The following NEB variants were observed in gnomAD, a reference collection of about 807,000 sequenced individuals.
NEB encodes the protein nebulin.
NEB carries 512 observed loss-of-function variants against 952.2 expected under a neutral mutation model. The observed-to-expected ratio is 0.54, with a 90% CI of 0.50 to 0.58. The LOEUF (loss-of-function observed/expected upper bound fraction) is 0.58, where lower values mean the gene tolerates loss of function less well. NEB is among the 20% of genes least tolerant of loss of function. The pLI is 0.00. For synonymous variants in NEB, 2,900 were observed against 3,149.8 expected, an observed-to-expected ratio of 0.92 and a Z score of 2.66; for missense variants, 8,428 against 9,231.1, an observed-to-expected ratio of 0.91 and a Z score of 3.56.
chr2:151,618,438 C>A lies in NEB; in HGVS notation c.10913G>T (p.Gly3638Val), dbSNP rs370161504. 1.1e-5 allele frequency: 18 copies of A among 1,613,798 alleles called. No individual in the cohort carries two copies. Among genetic ancestry groups the A allele is most frequent in the Admixed American group, 3.3e-5 (2 of 59,992 alleles). The change falls in exon 74 of 182, where the codon GGC (glycine) becomes GTC (valine). Residue 3638 changes from glycine (G) to valine (V), a missense_variant. This residue lies in a region of NEB where 1,772 missense variants were observed against 1,960.3 expected (regional missense o/e 0.90). Transcript: ENST00000397345. ...TTCCAAGGAATCAATCGGAACCCAG[C>A]CAATGCCTTTCATCCATTCAAGGTC... ...KSDLEWMKGI[G>V]WVPIDSLEVV...
Position 151,640,062 on chromosome 2 carries a change from T to C in NEB, c.8686-2A>G. 6.2e-7 allele frequency: 1 copy of C among 1,610,670 alleles called. No homozygotes were observed. The highest frequency in any genetic ancestry group is 8.5e-7 in the Non-Finnish European group (1 of 1,176,936). On this transcript the variant is annotated splice_acceptor_variant, in intron 61 of 181. Coordinates refer to ENST00000397345, the MANE Select transcript of NEB (RefSeq NM_001164508.2). LOFTEE classifies it high-confidence loss of function. The stretch of plus-strand genomic sequence containing the variant: ...CTGGAGATCAGACTTGTACATATTC[T>C]GTTGACACAAATAGCCAATAAATAT...
intron 37 of NEB, chr2:151,671,487 C>A: frequency 3.6e-5 from 14 of 388,514 alleles, no homozygotes; most frequent in East Asian, 8.9e-5. Flanking sequence ...TCACTTTTGA[C>A]AATAAATTGG....
chr2:151,498,332 C>G lies in NEB; in HGVS notation c.24135G>C (p.Leu8045=), dbSNP rs2061752322. The change falls in exon 170 of 182, where the codon CTG becomes CTC. Residue 8045 remains leucine (L), a synonymous_variant. Transcript: ENST00000397345. ...NFSSVLYKEN[L]GTGIPIPITP... ...TGATGGGGATTGGAATTCCTGTCCC[C>G]AGGTTTTCTTTGTATAGCACCTGTA... The G allele has an allele frequency of 6.4e-7, 1 of 1,550,872 alleles. No homozygotes were observed. Among genetic ancestry groups the G allele is most frequent in the African/African-American group, 1.4e-5 (1 of 72,934 alleles).
chr2:151,618,981 G>C (rs1353436253), intron 73 of NEB, among the ~76,000 whole-genome samples: 1 of 152,168 alleles, frequency 6.6e-6, no homozygotes, highest in Non-Finnish European at 1.5e-5. Flanking sequence ...CATGCTGAAT[G>C]TTGATAAGTA....
At chr2:151,608,905 CAAAAAAAAAA>C (rs1163520121) in intron 81 of NEB, among the ~76,000 whole-genome samples, 8 of 34,434 alleles carry the variant, frequency 2.3e-4, no homozygotes, top group African/African-American at 5.0e-4. Flanking sequence ...CTCCGTCTCA[CAAAAAAAAAA>C]AAAAAAAAAA....
intron 28 of NEB, among the ~76,000 whole-genome samples, chr2:151,683,172 C>T (rs147676904): frequency 1.7e-4 from 26 of 152,256 alleles, no homozygotes; most frequent in African/African-American, 5.1e-4. Flanking sequence ...GGGTTATTTG[C>T]TCATTTTCTA....
At chr2:151,566,987 G>C (rs948452584) in intron 114 of NEB, among the ~76,000 whole-genome samples, 181 bp downstream of exon 114, 2 of 152,094 alleles carry the variant, frequency 1.3e-5, no homozygotes, top group Non-Finnish European at 2.9e-5. Flanking sequence ...GCAGTCAGTA[G>C]GCAAACCAAT....
Position 151,525,963 on chromosome 2 carries a change from T to G in NEB, c.22156A>C (p.Ser7386Arg). Residue 7386 changes from serine (S) to arginine (R), a missense_variant, in exon 150 of 182, where the codon AGT (serine) becomes CGT (arginine). By Grantham distance (110) the Ser-to-Arg change is moderately radical. This residue lies in a region of NEB where 3,374 missense variants were observed against 3,651.5 expected (regional missense o/e 0.92). Transcript: ENST00000397345. ...VHVKEVTKHV[S>R]DTNYKKKFVK... ...ACCGGTGGTTGATCACTTACATCAC[T>G]GACATGCTTGGTCACTTCCTTGACG... is the stretch of plus-strand genomic sequence containing the variant. 4 of 1,613,242 alleles carry G rather than the reference T, an allele frequency of 2.5e-6. No homozygotes were observed. The highest frequency in any genetic ancestry group is 3.4e-6 in the Non-Finnish European group (4 of 1,179,162).
chr2:151,546,326 T>C lies in NEB; in HGVS notation c.20466+19A>G. On this transcript the variant is annotated intron_variant, in intron 134 of 181. Transcript: ENST00000397345. ...AGCTGTGCGGGGGGTAATTATGCAT[T>C]GTGATGATGTGCACTCACCCAGAGC... is the stretch of plus-strand genomic sequence containing the variant. 3 of 1,590,206 alleles carry C rather than the reference T, an allele frequency of 1.9e-6. No individual in the cohort carries two copies.
At chr2:151,728,262 G>A (rs960233088) in intron 4 of NEB, among the ~76,000 whole-genome samples, 13 of 152,188 alleles carry the variant, frequency 8.5e-5, no homozygotes, top group African/African-American at 2.4e-4. Context: ...AAGTTGCCTG[G>A]GTAAAGTAAA....
At position 151,518,414 on chromosome 2, in the gene NEB, G is replaced by T; in HGVS notation, c.22704C>A (p.Tyr7568Ter). The change falls in exon 156 of 182, where the codon TAC becomes TAA. Residue 7568 changes from tyrosine to a stop codon, truncating the protein, a stop_gained. Transcript: ENST00000397345. LOFTEE classifies it high-confidence loss of function. Reference sequence around the variant, plus strand: ...CTTTACTCTTCTCATACTTCTTCTTGTACTGGTACTGAGGGGAAGGCGGCA... The same window carrying T: ...CTTTACTCTTCTCATACTTCTTCTTTTACTGGTACTGAGGGGAAGGCGGCA... ...NTSQLASSYQ[Y>*]KKKYEKSKGH... 6.3e-7 allele frequency: 1 copy of T among 1,598,614 alleles called. No individual in the cohort carries two copies. The highest frequency in any genetic ancestry group is 8.6e-7 in the Non-Finnish European group (1 of 1,166,822).
chr2:151,723,269 TACA>T (rs889422689), intron 9 of NEB, 110 bp downstream of exon 9: 29 of 580,082 alleles, frequency 5.0e-5, no homozygotes, highest in Non-Finnish European at 1.8e-5. Context: ...TCCTCTGAAA[TACA>T]ACATTTAGTC....
At chr2:151,506,312 G>A (rs2068816154) in intron 163 of NEB, 54 bp from the exon 164 acceptor site, 2 of 1,350,752 alleles carry the variant, frequency 1.5e-6, no homozygotes, top group East Asian at 2.3e-5. Context: ...AAACCCAGCA[G>A]TTCCTGGAGA....
chr2:151,704,569 G>A (rs1241453984), intron 13 of NEB, among the ~76,000 whole-genome samples: 5 of 152,122 alleles, frequency 3.3e-5, no homozygotes, highest in East Asian at 1.9e-4. Context: ...GTGGTGCGCC[G>A]TTTTTTAAGC....
chr2:151,668,716 A>T (rs906752454), intron 39 of NEB, among the ~76,000 whole-genome samples: 4 of 152,176 alleles, frequency 2.6e-5, no homozygotes, highest in African/African-American at 9.6e-5. Context: ...TGTTTTCCAT[A>T]CTACAGACTA....
At chr2:151,564,797 T>C (rs186446594) in intron 117 of NEB, among the ~76,000 whole-genome samples, 81 of 152,342 alleles carry the variant, frequency 5.3e-4, no homozygotes, top group African/African-American at 1.8e-3. Flanking sequence ...GCTTGTCTCA[T>C]TGAGCTTTAG....
intron 32 of NEB, among the ~76,000 whole-genome samples, chr2:151,679,353 G>T (rs983824736): frequency 2.6e-5 from 4 of 152,042 alleles, no homozygotes; most frequent in African/African-American, 9.7e-5. Context: ...GAGAGGAAAG[G>T]GGAAGAAGGA....
At chr2:151,623,045 T>G (rs566080141) in intron 71 of NEB, among the ~76,000 whole-genome samples, 11 of 152,304 alleles carry the variant, frequency 7.2e-5, no homozygotes, top group African/African-American at 2.6e-4. Flanking sequence ...TGAAGCTATG[T>G]TAACTGATTT....
At chr2:151,726,503 A>T (rs2099790839) in intron 5 of NEB, among the ~76,000 whole-genome samples, 1 of 152,158 alleles carries the variant, frequency 6.6e-6, no homozygotes, top group African/African-American at 2.4e-5. Flanking sequence ...CTTAAGCTAC[A>T]TTTCATTTTT....
Sources: gnomAD v4.1 joint callset for allele counts (sites outside exome capture counted in the v4.1 genomes callset) on GRCh38, gnomAD v4.1.1 for gene constraint, gnomAD v4.1.1 regional missense constraint, MANE v1.5 for transcripts, NCBI Gene and HGNC (gene_info 2026-07-23, HGNC 2026-07-21) for gene names.